BACE2: variants seen among roughly 807,000 people sequenced by gnomAD.
BACE2 encodes the protein beta-secretase 2, also known as 56 kDa aspartic-like protease.
A neutral mutation model predicts 46.2 loss-of-function variants in BACE2; 17 were observed. The ratio of observed to expected loss-of-function variants is 0.37; its 90% CI spans 0.25 to 0.55. BACE2 has a LOEUF of 0.55. Among genes scored for constraint, BACE2 ranks in the 20% least tolerant of loss-of-function variants. The pLI, the probability that BACE2 is intolerant of heterozygous loss-of-function variation, is 0.82. For synonymous variants in BACE2, 277 were observed against 295.9 expected, an observed-to-expected ratio of 0.94 and a Z score of 0.66; for missense variants, 595 against 698.1, an observed-to-expected ratio of 0.85 and a Z score of 1.66.
At chr21:41,243,628 T>G in intron 5 of BACE2, 118 bp downstream of exon 5, 1 of 1,114,732 alleles carries the variant, frequency 9.0e-7, no homozygotes, top group Non-Finnish European at 1.2e-6. Context: ...TAAAGGCTCA[T>G]TACATGAAAA....
chr21:41,254,446 C>G (rs936424494), intron 7 of BACE2, among the ~76,000 whole-genome samples: 1 of 152,186 alleles, frequency 6.6e-6, no homozygotes, highest in Non-Finnish European at 1.5e-5. Flanking sequence ...GTGTGTCTGC[C>G]TGTTTCATCC....
intron 1 of BACE2, among the ~76,000 whole-genome samples, chr21:41,199,301 C>T (rs1030452595): frequency 6.6e-5 from 10 of 152,136 alleles, no homozygotes; most frequent in Admixed American, 4.6e-4. Context: ...CCTCCACCTG[C>T]GCCTTCCTAC....
At chr21:41,217,466 A>G (rs1282939513) in intron 1 of BACE2, among the ~76,000 whole-genome samples, 1 of 152,032 alleles carries the variant, frequency 6.6e-6, no homozygotes, top group African/African-American at 2.4e-5. Flanking sequence ...CGTTTTAGCC[A>G]AGCAACTTCC....
intron 7 of BACE2, among the ~76,000 whole-genome samples, chr21:41,251,670 G>A (rs1987642887): frequency 6.6e-6 from 1 of 151,992 alleles, no homozygotes; most frequent in Non-Finnish European, 1.5e-5. Context: ...GCGTGATGGT[G>A]CATGCCTGTA....
In BACE2 at chr21:41,168,513, C is replaced by T; in HGVS notation, c.250C>T (p.Leu84=). Residue 84 remains leucine, a synonymous_variant, in exon 1 of 9, where the codon CTG becomes TTG. Coordinates refer to ENST00000330333, the MANE Select transcript of BACE2 (RefSeq NM_012105.5). Reference sequence around the variant, plus strand: ...CAACTTCTTGGCCATGGTAGACAACCTGCAGGGGGACTCTGGCCGCGGCTA... The same window carrying T: ...CAACTTCTTGGCCATGGTAGACAACTTGCAGGGGGACTCTGGCCGCGGCTA... ...AANFLAMVDN[L]QGDSGRGYYL... 2 of 1,367,900 alleles carry T rather than the reference C, an allele frequency of 1.5e-6. No individual in the cohort carries two copies. The highest frequency in any genetic ancestry group is 2.8e-5 in the East Asian group (1 of 36,000). 84.7% of individuals were successfully genotyped at this position (1,367,900 alleles called of 1,614,324 possible). A position where few individuals can be genotyped will look rare whatever the true frequency, so the allele number is the denominator to read the frequency against.
At chr21:41,241,049 C>T (rs766280027) in intron 3 of BACE2, among the ~76,000 whole-genome samples, 2 of 152,200 alleles carry the variant, frequency 1.3e-5, no homozygotes, top group Non-Finnish European at 2.9e-5. Context: ...AAAATCTAAA[C>T]TCAGGTCTAT....
chr21:41,200,206 A>C (rs1021643582), intron 1 of BACE2, among the ~76,000 whole-genome samples: 1 of 150,518 alleles, frequency 6.6e-6, no homozygotes, highest in Non-Finnish European at 1.5e-5. Context: ...AAAAAACAAA[A>C]AAAAAACCCA....
At chr21:41,243,790 CA>C (rs1987374974) in intron 5 of BACE2, among the ~76,000 whole-genome samples, 1 of 152,178 alleles carries the variant, frequency 6.6e-6, no homozygotes, top group Non-Finnish European at 1.5e-5. Context: ...CACCTTTCAC[CA>C]TTCATTCATC....
At chr21:41,273,099 G>T (rs1236439681) in intron 8 of BACE2, among the ~76,000 whole-genome samples, 1 of 152,204 alleles carries the variant, frequency 6.6e-6, no homozygotes, top group African/African-American at 2.4e-5. Flanking sequence ...TTTCAAAGGG[G>T]AGGGAGTGTA....
chr21:41,227,540 C>A (rs1243044609), intron 2 of BACE2, among the ~76,000 whole-genome samples: 1 of 152,152 alleles, frequency 6.6e-6, no homozygotes, highest in African/African-American at 2.4e-5. Flanking sequence ...CTACCTACAC[C>A]ACATCCTGGG....
intron 1 of BACE2, among the ~76,000 whole-genome samples, chr21:41,216,045 G>A (rs1452061096): frequency 3.3e-5 from 5 of 152,164 alleles, no homozygotes; most frequent in Non-Finnish European, 5.9e-5. Flanking sequence ...GCCCACAGCC[G>A]GGGTGTTTGA....
intron 1 of BACE2, among the ~76,000 whole-genome samples, chr21:41,194,433 G>T (rs1985674008): frequency 2.6e-5 from 4 of 152,190 alleles, no homozygotes; most frequent in Non-Finnish European, 4.4e-5. Context: ...GAAGCTTTTT[G>T]CTGTAGCTGC....
intron 7 of BACE2, among the ~76,000 whole-genome samples, chr21:41,253,070 A>G (rs1016720674): frequency 2.6e-5 from 4 of 152,248 alleles, no homozygotes; most frequent in African/African-American, 9.6e-5. Context: ...AGAAGAATGC[A>G]GTATCCTTGG....
At chr21:41,270,986 A>T (rs79177447) in intron 8 of BACE2, among the ~76,000 whole-genome samples, 9 of 152,162 alleles carry the variant, frequency 5.9e-5, no homozygotes, top group Non-Finnish European at 5.9e-5. Context: ...AAACACTGTT[A>T]TTAGGTAAAA....
Position 41,250,871 on chromosome 21 carries a change from C to T in BACE2, c.1104C>T (p.Ser368=). ...ISIYLRDENS[S]RSFRITILPQ... Reference sequence around the variant, plus strand: ...TCTACCTGAGAGACGAGAACTCCAGCAGGTCATTCCGTATCACAATCCTGC... The same window carrying T: ...TCTACCTGAGAGACGAGAACTCCAGTAGGTCATTCCGTATCACAATCCTGC... Residue 368 remains serine, a synonymous_variant, in exon 7 of 9, where the codon AGC becomes AGT. Transcript: ENST00000330333. 1 of 1,614,178 alleles carries T rather than the reference C, an allele frequency of 6.2e-7. No homozygotes were observed. Among genetic ancestry groups the T allele is most frequent in the Non-Finnish European group, 8.5e-7 (1 of 1,180,006 alleles).
At chr21:41,203,423 G>A (rs185420095) in intron 1 of BACE2, among the ~76,000 whole-genome samples, 29 of 152,240 alleles carry the variant, frequency 1.9e-4, no homozygotes, top group Admixed American at 7.9e-4. Context: ...GTGTGCTGGA[G>A]GAACCCAAGG....
chr21:41,222,600 GT>G (rs758240578), intron 1 of BACE2, among the ~76,000 whole-genome samples: 2 of 152,246 alleles, frequency 1.3e-5, no homozygotes, highest in Non-Finnish European at 2.9e-5. Context: ...GACTTCGCCA[GT>G]TACTCTGGGT....
chr21:41,216,558 G>A (rs1986473213), intron 1 of BACE2, among the ~76,000 whole-genome samples: 1 of 152,238 alleles, frequency 6.6e-6, no homozygotes, highest in Non-Finnish European at 1.5e-5. Context: ...CTCTGCGGAG[G>A]AGTGACACCC....
intron 7 of BACE2, among the ~76,000 whole-genome samples, chr21:41,256,553 T>G (rs914040315): frequency 1.3e-5 from 2 of 152,224 alleles, no homozygotes; most frequent in Non-Finnish European, 2.9e-5. Context: ...AATAAAACTT[T>G]GGTCTCTTAA....
Sources: allele counts gnomAD v4.1 joint callset (sites outside exome capture counted in the v4.1 genomes callset), GRCh38; gene constraint gnomAD v4.1.1; transcripts MANE v1.5; gene names NCBI Gene and HGNC (gene_info 2026-07-23, HGNC 2026-07-21).